The following GPNMB variants were observed in gnomAD, a reference collection of about 807,000 sequenced individuals.
The protein encoded by GPNMB is transmembrane glycoprotein NMB.
A neutral mutation model predicts 57.3 loss-of-function variants in GPNMB; 71 were observed. The ratio of observed to expected loss-of-function variants is 1.24; its 90% CI spans 1.02 to 1.51. GPNMB has a LOEUF of 1.51. Ranked by LOEUF, GPNMB falls within the 40% of genes most tolerant of loss-of-function variation. GPNMB has a pLI of 0.00. For synonymous variants in GPNMB, 253 were observed against 263.2 expected (o/e 0.96, Z 0.38); for missense variants, 677 against 691.9 (o/e 0.98, Z 0.24).
At chr7:23,273,386 A>G (rs2128486051) in intron 9 of GPNMB, 135 bp from the exon 10 acceptor site, 1 of 630,034 alleles carries the variant, frequency 1.6e-6, no homozygotes, top group East Asian at 2.7e-5. Flanking sequence ...TATTTAATAG[A>G]AAAGATTACT....
chr7:23,272,563 T>G (rs1211610265), intron 9 of GPNMB, among the ~76,000 whole-genome samples: 2 of 152,162 alleles, frequency 1.3e-5, no homozygotes, highest in African/African-American at 4.8e-5. Flanking sequence ...TCAGTGGGGA[T>G]TGCAGCTTAA....
Position 23,266,590 on chromosome 7 carries a change from C to A in GPNMB, c.1092C>A (p.His364Gln). The A allele has an allele frequency of 1.2e-6, 2 of 1,613,970 alleles. No individual in the cohort carries two copies. The highest frequency in any genetic ancestry group is 1.3e-5 in the African/African-American group (1 of 75,038). Residue 364 changes from histidine (H) to glutamine (Q), a missense_variant, in exon 7 of 11, where the codon CAC becomes CAA. By Grantham distance (24) the His-to-Gln change is conservative. Coordinates refer to ENST00000258733, the MANE Select transcript of GPNMB (RefSeq NM_002510.3). ...ACTGCCAGATTAACAGATATGGCCA[C>A]TTTCAAGCCACCATCACAATTGTAG... is the stretch of plus-strand genomic sequence containing the variant. ...DENCQINRYG[H>Q]FQATITIVEG...
Position 23,266,565 on chromosome 7 carries a change from A to T in GPNMB, c.1067A>T (p.Asn356Ile). The stretch of plus-strand genomic sequence containing the variant: ...GAGCTGAGTAGGATTCCTGATGAAA[A>T]CTGCCAGATTAACAGATATGGCCAC... ...PLELSRIPDENCQINRYGHFQ... is the reference protein window; with the variant it reads ...PLELSRIPDEICQINRYGHFQ... Residue 356 changes from asparagine (N) to isoleucine (I), a missense_variant, in exon 7 of 11, where the codon AAC (asparagine) becomes ATC (isoleucine). Transcript: ENST00000258733. 1 of 1,613,882 alleles carries T rather than the reference A, an allele frequency of 6.2e-7. No individual in the cohort carries two copies. Among genetic ancestry groups the T allele is most frequent in the Non-Finnish European group, 8.5e-7 (1 of 1,179,824 alleles).
At chr7:23,263,154 T>C (rs1782970334) in intron 6 of GPNMB, among the ~76,000 whole-genome samples, 1 of 152,184 alleles carries the variant, frequency 6.6e-6, no homozygotes, top group Non-Finnish European at 1.5e-5. Flanking sequence ...AGACTTAATG[T>C]TAGGTTGTTT....
chr7:23,268,071 C>T, intron 8 of GPNMB, 83 bp downstream of exon 8: 1 of 815,662 alleles, frequency 1.2e-6, no homozygotes, highest in Non-Finnish European at 2.1e-6. Context: ...CACCAGTTAC[C>T]CCTTTTAAGT....
rs1206552133 is a variant in GPNMB at position 23,260,708 on chromosome 7, C to T, written c.953C>T (p.Ala318Val). The change falls in exon 6 of 11, where the codon GCA becomes GTA. Residue 318 changes from alanine (A) to valine (V), a missense_variant. Ala to Val is a moderately conservative substitution (Grantham distance 64). Coordinates refer to ENST00000258733, the MANE Select transcript of GPNMB (RefSeq NM_002510.3). ...TFSLNLTVKA[A>V]APGPCPPPPP... ...AGCCTTAACCTCACTGTGAAAGCTG[C>T]AGCACCAGGACCTTGTCCGCCACCG... The T allele has an allele frequency of 6.2e-7, 1 of 1,607,644 alleles. No homozygotes were observed.
At chr7:23,267,117 G>C (rs1032066396) in intron 7 of GPNMB, among the ~76,000 whole-genome samples, 1 of 151,966 alleles carries the variant, frequency 6.6e-6, no homozygotes, top group African/African-American at 2.4e-5. Context: ...CTGGGAGTGA[G>C]GATGGAGGTG....
chr7:23,247,034 G>C, intron 1 of GPNMB, 107 bp downstream of exon 1: 1 of 852,766 alleles, frequency 1.2e-6, no homozygotes, highest in Non-Finnish European at 2.0e-6. Context: ...TCTTCAGGAA[G>C]CTTTCATCTC....
In GPNMB at chr7:23,246,942, A is replaced by T. The variant is rs771689044; in HGVS notation, c.70+15A>T. 1 of 1,593,994 alleles carries T rather than the reference A, an allele frequency of 6.3e-7. No individual in the cohort carries two copies. Among genetic ancestry groups the T allele is most frequent in the Non-Finnish European group, 8.6e-7 (1 of 1,161,790 alleles). On this transcript the variant is annotated intron_variant, in intron 1 of 10. Coordinates refer to ENST00000258733, the MANE Select transcript of GPNMB (RefSeq NM_002510.3). ...TGCCGCCAAACGTGAGTAACCCTTA[A>T]TTTCTATGTTTAACCCATTCTCTGG...
rs553843569 is a variant in GPNMB, at chr7:23,274,447, G to C, written c.*223G>C. ...AAACTGATAAAAGCAACTTAGCAAG[G>C]CTTCTTTTCATTATTTTTTATGTTT... is the stretch of plus-strand genomic sequence containing the variant. On this transcript the variant is annotated 3_prime_UTR_variant, in exon 11 of 11. Coordinates refer to ENST00000258733, the MANE Select transcript of GPNMB (RefSeq NM_002510.3). 1.2e-5 allele frequency: 5 copies of C among 417,522 alleles called. No homozygotes were observed. The highest frequency in any genetic ancestry group is 4.1e-5 in the Admixed American group (1 of 24,260). The allele number at this position is 417,522 out of a possible 1,614,324, so 25.9% of individuals were successfully genotyped here. A position where few individuals can be genotyped will look rare whatever the true frequency, so the allele number is the denominator to read the frequency against.
rs147133129 is a variant in GPNMB, at chr7:23,254,119, C to A, written c.224-50C>A. 1.9e-6 allele frequency: 3 copies of A among 1,557,402 alleles called. No homozygotes were observed. The East Asian group carries it at 6.8e-5, about 35-fold the overall frequency. ...AAAGTTAGCTCTAAATGTTTATGAA[C>A]GAAAGGAAAAAGATGCTGGATCATC... On this transcript the variant is annotated intron_variant, in intron 2 of 10. Coordinates refer to ENST00000258733, the MANE Select transcript of GPNMB (RefSeq NM_002510.3).
At chr7:23,273,840 T>C in intron 10 of GPNMB, 1 of 586,218 alleles carries the variant, frequency 1.7e-6, no homozygotes, top group East Asian at 2.9e-5. Context: ...CAAAATTATG[T>C]CAACTTAATT....
intron 3 of GPNMB, among the ~76,000 whole-genome samples, chr7:23,255,101 C>A (rs13244072): frequency 2.6e-5 from 4 of 152,194 alleles, no homozygotes; most frequent in African/African-American, 7.2e-5. Context: ...TCACTGCAGT[C>A]TTTGCCTCCC....
chr7:23,265,589 T>C lies in GPNMB; in HGVS notation c.1019-928T>C, dbSNP rs561706456. 4.5e-4 allele frequency among the ~76,000 whole-genome samples: 68 copies of C among 152,144 alleles called. 1 individual carries two copies. Among genetic ancestry groups the C allele is most frequent in the South Asian group, 1.7e-3 (8 of 4,826 alleles). ...ACAGTAAGACTTTTAGAATTTAAGCTTTGGAGCTGTGAGACATCCAAACAG... is the reference window on the plus strand; with the variant it reads ...ACAGTAAGACTTTTAGAATTTAAGCCTTGGAGCTGTGAGACATCCAAACAG... On this transcript the variant is annotated intron_variant, in intron 6 of 10. Transcript: ENST00000258733.
intron 9 of GPNMB, among the ~76,000 whole-genome samples, chr7:23,271,928 G>A (rs758941594): frequency 5.3e-5 from 8 of 152,118 alleles, no homozygotes; most frequent in Admixed American, 2.6e-4. Context: ...AATTATTTGC[G>A]TGAGGGCTTA....
chr7:23,254,249 T>G lies in GPNMB; in HGVS notation c.304T>G (p.Phe102Val), dbSNP rs964181513. ...TATAACATTTGCGGTGAACCTGATA[T>G]TCCCTAGATGCCAAAAGGAAGATGC... The part of the protein sequence containing the change: ...SNITFAVNLI[F>V]PRCQKEDANG... The change falls in exon 3 of 11, where the codon TTC (phenylalanine) becomes GTC (valine). Residue 102 changes from phenylalanine (F) to valine (V), a missense_variant. Transcript: ENST00000258733. 3 of 1,613,648 alleles carry G rather than the reference T, an allele frequency of 1.9e-6. No homozygotes were observed. The highest frequency in any genetic ancestry group is 1.7e-5 in the Admixed American group (1 of 60,004).
chr7:23,269,965 A>C lies in GPNMB; in HGVS notation c.1221-2A>C. ...CGCCCTCGCCCACCTCCCCTGTCGC[A>C]GCATTCCCACGGAGGTCTGTACCAT... On this transcript the variant is annotated splice_acceptor_variant, in intron 8 of 10. Coordinates refer to ENST00000258733, the MANE Select transcript of GPNMB (RefSeq NM_002510.3). LOFTEE classifies it high-confidence loss of function. 6.2e-7 allele frequency: 1 copy of C among 1,612,890 alleles called. No homozygotes were observed. Among genetic ancestry groups the C allele is most frequent in the South Asian group, 1.1e-5 (1 of 91,020 alleles).
intron 1 of GPNMB, among the ~76,000 whole-genome samples, chr7:23,249,671 T>C (rs1003894765): frequency 1.3e-5 from 2 of 152,340 alleles, no homozygotes; most frequent in East Asian, 1.9e-4. Flanking sequence ...TAGTATTCCA[T>C]GGTATGGATG....
chr7:23,264,092 A>C (rs897500156), intron 6 of GPNMB, among the ~76,000 whole-genome samples: 11 of 145,222 alleles, frequency 7.6e-5, no homozygotes, highest in African/African-American at 3.0e-4. Flanking sequence ...TTGTGAACAA[A>C]TCTGAAAAAA....
Sources: gnomAD v4.1 joint callset for allele counts (sites outside exome capture counted in the v4.1 genomes callset) on GRCh38, gnomAD v4.1.1 for gene constraint, MANE v1.5 for transcripts, NCBI Gene and HGNC (gene_info 2026-07-23, HGNC 2026-07-21) for gene names.